Variants in PRTG observed in about 807,000 individuals in gnomAD.
PRTG encodes the protein immunoglobulin superfamily, DCC subclass, member 5.
In PRTG, 67 loss-of-function variants were observed where a neutral mutation model predicts 122.5. The ratio of observed to expected loss-of-function variants is 0.55; its 90% CI spans 0.45 to 0.67. The LOEUF is 0.67. PRTG is among the 30% of genes least tolerant of loss of function. The pLI is 0.00. For missense variants in PRTG, 1,435 were observed against 1,415.4 expected, an observed-to-expected ratio of 1.01 and a Z score of -0.22; for synonymous variants, 554 against 501.1, an observed-to-expected ratio of 1.11 and a Z score of -1.41.
At chr15:55,665,179 G>A (rs1232199903) in intron 11 of PRTG, among the ~76,000 whole-genome samples, 2 of 152,040 alleles carry the variant, frequency 1.3e-5, no homozygotes, top group African/African-American at 4.8e-5. Context: ...AGAATGGTGT[G>A]AACCAGGGAG....
At chr15:55,626,049 C>T (rs1169178785) in intron 17 of PRTG, among the ~76,000 whole-genome samples, 7 of 152,170 alleles carry the variant, frequency 4.6e-5, no homozygotes, top group Non-Finnish European at 8.8e-5. Context: ...TACCACCATG[C>T]CTGCACAAGT....
chr15:55,742,688 C>G, intron 1 of PRTG, 150 bp downstream of exon 1: 1 of 941,402 alleles, frequency 1.1e-6, no homozygotes, highest in Non-Finnish European at 1.6e-6. Context: ...CCGGACAGGC[C>G]GCAGGGCGAG....
rs3049129 is a variant in PRTG, at chr15:55,714,205, G to GTCTC, written c.397+26173_397+26176dup. Reference sequence around the variant, plus strand: ...TTATTTTCTTTCTATCTATTTATCTGTCTCTCTCTCTCTCTCTCTCTCTCT... The same window carrying GTCTC: ...TTATTTTCTTTCTATCTATTTATCTGTCTCTCTCTCTCTCTCTCTCTCTCTCTCT... On this transcript the variant is annotated intron_variant, in intron 2 of 19. Coordinates refer to ENST00000389286, the MANE Select transcript of PRTG (RefSeq NM_173814.6). 9.8e-3 allele frequency among the ~76,000 whole-genome samples: 1,395 copies of GTCTC among 142,632 alleles called. 21 individuals are homozygous for GTCTC. The highest frequency in any genetic ancestry group is 0.029 in the African/African-American group (1,107 of 38,240). 93.6% of individuals were successfully genotyped at this position (142,632 alleles called of 152,430 possible).
chr15:55,692,258 G>C (rs1420938499), intron 2 of PRTG, among the ~76,000 whole-genome samples: 1 of 152,088 alleles, frequency 6.6e-6, no homozygotes, highest in East Asian at 1.9e-4. Context: ...TAGAGGGAGA[G>C]AGTTTAGAGG....
chr15:55,701,769 TAAAAC>T (rs1419616907), intron 2 of PRTG, among the ~76,000 whole-genome samples: 1 of 152,146 alleles, frequency 6.6e-6, no homozygotes, highest in African/African-American at 2.4e-5. Context: ...AAACTACTGA[TAAAAC>T]AAAATATGTA....
At chr15:55,723,366 A>C (rs1213718649) in intron 2 of PRTG, among the ~76,000 whole-genome samples, 1 of 151,814 alleles carries the variant, frequency 6.6e-6, no homozygotes, top group Non-Finnish European at 1.5e-5. Context: ...CACAAACAGA[A>C]ACCATAAGGG....
chr15:55,646,448 A>G (rs910790055), intron 11 of PRTG, among the ~76,000 whole-genome samples: 17 of 151,574 alleles, frequency 1.1e-4, no homozygotes, highest in South Asian at 6.3e-4. Flanking sequence ...TCAGCCTCCC[A>G]AGTAGCTAGG....
At chr15:55,740,075 T>C (rs1409149239) in intron 2 of PRTG, among the ~76,000 whole-genome samples, 2 of 152,244 alleles carry the variant, frequency 1.3e-5, no homozygotes, top group Non-Finnish European at 2.9e-5. Flanking sequence ...TTTTGTTGCG[T>C]TGGCCAAACT....
chr15:55,726,358 T>C (rs1365607405), intron 2 of PRTG, among the ~76,000 whole-genome samples: 2 of 152,124 alleles, frequency 1.3e-5, no homozygotes, highest in African/African-American at 2.4e-5. Flanking sequence ...ATTACAAGCA[T>C]GAGCTACTGT....
rs1414890324 is a variant in PRTG at position 55,612,696 on chromosome 15, CAATATATATATATATATATATATATATA to C, written c.*7288_*7315del. 3.3e-4 allele frequency: 30 copies of C among 90,598 alleles called. No individual in the cohort carries two copies. In the Middle Eastern group the frequency reaches 0.016, roughly 50 times the overall value. 5.6% of individuals were successfully genotyped at this position (90,598 alleles called of 1,614,324 possible). The stretch of plus-strand genomic sequence containing the variant: ...ATTCTCTCTTTAACTCTTTAAAAGC[CAATATATATATATATATATATATATATA>C]TATATATATATATATATATATATAT... On this transcript the variant is annotated 3_prime_UTR_variant, in exon 20 of 20. Coordinates refer to ENST00000389286, the MANE Select transcript of PRTG (RefSeq NM_173814.6).
At chr15:55,667,385 G>T (rs1406463193) in intron 11 of PRTG, among the ~76,000 whole-genome samples, 1 of 151,714 alleles carries the variant, frequency 6.6e-6, no homozygotes, top group African/African-American at 2.4e-5. Context: ...TTTTTTAGAA[G>T]TAAATACTTC....
chr15:55,642,492 C>T (rs911317553), intron 11 of PRTG, among the ~76,000 whole-genome samples: 3 of 150,664 alleles, frequency 2.0e-5, no homozygotes, highest in Non-Finnish European at 4.4e-5. Context: ...TGGCACATGC[C>T]AGTAATCCCA....
chr15:55,675,312 A>T (rs2059496208), intron 9 of PRTG, among the ~76,000 whole-genome samples: 1 of 152,122 alleles, frequency 6.6e-6, no homozygotes, highest in East Asian at 1.9e-4. Context: ...GGAATATAAG[A>T]ATTTTATTAT....
At chr15:55,711,090 T>C (rs1163884804) in intron 2 of PRTG, among the ~76,000 whole-genome samples, 1 of 150,446 alleles carries the variant, frequency 6.6e-6, no homozygotes, top group African/African-American at 2.4e-5. Flanking sequence ...TATTTTTTTT[T>C]TTTTTTTTTT....
intron 2 of PRTG, among the ~76,000 whole-genome samples, chr15:55,687,447 C>T (rs752749151): frequency 1.3e-5 from 2 of 152,186 alleles, no homozygotes; most frequent in Admixed American, 6.5e-5. Flanking sequence ...ACATAGGCAA[C>T]TGAGTGTTGT....
chr15:55,731,090 G>A (rs1017821456), intron 2 of PRTG, among the ~76,000 whole-genome samples: 3 of 149,976 alleles, frequency 2.0e-5, no homozygotes, highest in Non-Finnish European at 4.4e-5. Context: ...CTAAACATTG[G>A]GAGATCAGTG....
At chr15:55,702,944 G>A (rs957390253) in intron 2 of PRTG, 23 of 984,588 alleles carry the variant, frequency 2.3e-5, no homozygotes, top group African/African-American at 5.2e-5. Context: ...TGTCAGTTCC[G>A]GGGTCCCCTG....
At chr15:55,688,589 A>T (rs2059583478) in intron 2 of PRTG, among the ~76,000 whole-genome samples, 1 of 152,212 alleles carries the variant, frequency 6.6e-6, no homozygotes, top group South Asian at 2.1e-4. Context: ...TAATCCCAGC[A>T]CTTTGGGAGG....
intron 2 of PRTG, among the ~76,000 whole-genome samples, chr15:55,698,840 G>C (rs1017625406): frequency 1.3e-4 from 19 of 151,978 alleles, no homozygotes; most frequent in Non-Finnish European, 1.3e-4. Context: ...AGAAAAAAAG[G>C]AGCAGTACAG....
Sources: allele counts gnomAD v4.1 joint callset (sites outside exome capture counted in the v4.1 genomes callset), GRCh38; gene constraint gnomAD v4.1.1; transcripts MANE v1.5; gene names NCBI Gene and HGNC (gene_info 2026-07-23, HGNC 2026-07-21).